Variants in CDH18 observed in about 807,000 individuals in gnomAD.
The protein encoded by CDH18 is cadherin-18.
A neutral mutation model predicts 67.9 loss-of-function variants in CDH18; 31 were observed. The ratio of observed to expected loss-of-function variants is 0.46; its 90% CI spans 0.34 to 0.62. The LOEUF (loss-of-function observed/expected upper bound fraction) is 0.62, where lower values mean the gene tolerates loss of function less well. Ranked by LOEUF, CDH18 falls within the 20% of genes least tolerant of loss-of-function variation. The pLI, the probability that CDH18 is intolerant of heterozygous loss-of-function variation, is 0.01. For synonymous variants in CDH18, 362 were observed against 347.2 expected (o/e 1.04, Z -0.48); for missense variants, 890 against 975.5 (o/e 0.91, Z 1.17).
intron 2 of CDH18, among the ~76,000 whole-genome samples, chr5:19,994,786 G>A (rs1234950594): frequency 1.5e-5 from 1 of 67,318 alleles, no homozygotes; most frequent in African/African-American, 6.3e-5. Flanking sequence ...GAGAGAGAGA[G>A]AGAGAGATGT....
intron 1 of CDH18, among the ~76,000 whole-genome samples, chr5:20,336,807 G>A (rs1421043447): frequency 6.7e-6 from 1 of 148,858 alleles, no homozygotes; most frequent in Middle Eastern, 3.4e-3. Context: ...CCTAACTTAG[G>A]TGCAGCCACA....
rs150343278 is a variant in CDH18, at chr5:19,888,600, G to C, written c.-256-49358C>G. On this transcript the variant is annotated intron_variant, in intron 2 of 12. Coordinates refer to ENST00000382275, the MANE Select transcript of CDH18 (RefSeq NM_004934.5). The stretch of plus-strand genomic sequence containing the variant: ...GAAATAAAATTAGTGTTTGCATTGT[G>C]GCTTTCTAACAGAAAATCTGCTAAA... 6.6e-3 allele frequency among the ~76,000 whole-genome samples: 1,001 copies of C among 151,944 alleles called. 12 individuals carry two copies. Among genetic ancestry groups the C allele is most frequent in the African/African-American group, 0.023 (974 of 41,472 alleles).
intron 1 of CDH18, among the ~76,000 whole-genome samples, chr5:20,399,999 A>T (rs1745624649): frequency 6.6e-6 from 1 of 152,192 alleles, no homozygotes; most frequent in Admixed American, 6.5e-5. Flanking sequence ...TTAACTTCAT[A>T]TTTTAATTAT....
At chr5:20,284,630 C>T (rs1471889017) in intron 1 of CDH18, among the ~76,000 whole-genome samples, 1 of 151,870 alleles carries the variant, frequency 6.6e-6, no homozygotes, top group African/African-American at 2.4e-5. Flanking sequence ...TAATCCTGCA[C>T]CTAAAACACT....
intron 1 of CDH18, among the ~76,000 whole-genome samples, chr5:20,270,816 A>T: frequency 6.6e-6 from 1 of 152,106 alleles, no homozygotes; most frequent in Non-Finnish European, 1.5e-5. Flanking sequence ...AAAAAATGAG[A>T]TCATGTCCTT....
At chr5:20,211,972 A>C (rs192792921) in intron 2 of CDH18, among the ~76,000 whole-genome samples, 1 of 152,234 alleles carries the variant, frequency 6.6e-6, no homozygotes, top group Admixed American at 6.5e-5. Flanking sequence ...ATCAGTAATA[A>C]CAAACTTCTC....
intron 1 of CDH18, among the ~76,000 whole-genome samples, chr5:20,344,211 C>A (rs1580798791): frequency 1.3e-5 from 2 of 152,064 alleles, no homozygotes; most frequent in Middle Eastern, 3.4e-3. Context: ...CCAATTGGCC[C>A]AAAGGCTGTT....
At chr5:20,181,636 C>G (rs1418353355) in intron 2 of CDH18, among the ~76,000 whole-genome samples, 1 of 152,094 alleles carries the variant, frequency 6.6e-6, no homozygotes, top group African/African-American at 2.4e-5. Flanking sequence ...CAGTTTTTGA[C>G]CTGTGGAAAT....
chr5:20,213,994 A>G (rs1181473490), intron 2 of CDH18, among the ~76,000 whole-genome samples: 1 of 152,100 alleles, frequency 6.6e-6, no homozygotes, highest in Non-Finnish European at 1.5e-5. Flanking sequence ...GCAAAGTATC[A>G]TGATACAAAA....
intron 7 of CDH18, among the ~76,000 whole-genome samples, chr5:19,576,236 A>T (rs1188627115): frequency 6.6e-6 from 1 of 152,198 alleles, no homozygotes; most frequent in African/African-American, 2.4e-5. Flanking sequence ...GTAAGCAAAA[A>T]TAGACAAGTG....
intron 5 of CDH18, among the ~76,000 whole-genome samples, chr5:19,630,252 T>C (rs1345857024): frequency 1.3e-5 from 2 of 152,210 alleles, no homozygotes; most frequent in East Asian, 3.9e-4. Flanking sequence ...AGGATGTAGA[T>C]TTTTTAAATT....
chr5:19,651,168 T>C, intron 5 of CDH18, among the ~76,000 whole-genome samples: 1 of 152,060 alleles, frequency 6.6e-6, no homozygotes, highest in East Asian at 1.9e-4. Flanking sequence ...TATGGACTCA[T>C]AGGTTCAAGT....
chr5:20,360,816 T>C (rs1645041835), intron 1 of CDH18, among the ~76,000 whole-genome samples: 1 of 152,210 alleles, frequency 6.6e-6, no homozygotes, highest in Non-Finnish European at 1.5e-5. Context: ...TATATACACC[T>C]GTGTAAGCCT....
chr5:19,705,111 G>A (rs1228032939), intron 5 of CDH18, among the ~76,000 whole-genome samples: 2 of 152,146 alleles, frequency 1.3e-5, no homozygotes, highest in African/African-American at 4.8e-5. Flanking sequence ...GCAAGCAGCT[G>A]AACTTACTCG....
chr5:19,507,740 C>A (rs571628287), intron 10 of CDH18, among the ~76,000 whole-genome samples: 2 of 152,128 alleles, frequency 1.3e-5, no homozygotes, highest in Non-Finnish European at 2.9e-5. Context: ...GAACTTCACA[C>A]ACTGGGGCCT....
chr5:19,611,985 T>TGTGTGTGC (rs1491546802), intron 6 of CDH18, among the ~76,000 whole-genome samples: 5 of 150,784 alleles, frequency 3.3e-5, no homozygotes, highest in Non-Finnish European at 7.4e-5. Flanking sequence ...TGTGTGTGTG[T>TGTGTGTGC]GCATACATGC....
At chr5:19,479,682 G>T (rs1191865691) in intron 12 of CDH18, among the ~76,000 whole-genome samples, 1 of 151,962 alleles carries the variant, frequency 6.6e-6, no homozygotes, top group Non-Finnish European at 1.5e-5. Context: ...TTATATCTAG[G>T]ATAAGGAGCA....
intron 2 of CDH18, among the ~76,000 whole-genome samples, chr5:19,846,118 T>A (rs984814426): frequency 6.6e-6 from 1 of 152,074 alleles, no homozygotes; most frequent in African/African-American, 2.4e-5. Context: ...TGTGTTTTTT[T>A]AAATTTCTTT....
chr5:19,989,645 G>A (rs948609728), upstream of CDH18, among the ~76,000 whole-genome samples: 19 of 152,202 alleles, frequency 1.2e-4, no homozygotes, highest in African/African-American at 4.6e-4. Context: ...AAAGATCAAA[G>A]AGGTTGAAAA....
Sources: gnomAD v4.1 joint callset for allele counts (sites outside exome capture counted in the v4.1 genomes callset) on GRCh38, gnomAD v4.1.1 for gene constraint, MANE v1.5 for transcripts, NCBI Gene and HGNC (gene_info 2026-07-23, HGNC 2026-07-21) for gene names.